The following CAV1 variants were observed in gnomAD, a reference collection of about 807,000 sequenced individuals.
CAV1 encodes the protein caveolin-1.
CAV1 carries 10 observed loss-of-function variants against 16.5 expected under a neutral mutation model. That is an observed-to-expected ratio of 0.61 (90% confidence interval 0.37 to 1.03). The LOEUF (loss-of-function observed/expected upper bound fraction) is 1.03, where lower values mean the gene tolerates loss of function less well. CAV1 is among the 50% of genes least tolerant of loss of function. CAV1 has a pLI of 0.01. For synonymous variants in CAV1, 76 were observed against 85.1 expected, an observed-to-expected ratio of 0.89 and a Z score of 0.59; for missense variants, 212 against 232.8, an observed-to-expected ratio of 0.91 and a Z score of 0.58.
chr7:116,525,922 G>A, intron 1 of CAV1: 2 of 824,348 alleles, frequency 2.4e-6, no homozygotes, highest in Non-Finnish European at 2.9e-6. Context: ...GGAGGGACAA[G>A]AGAGGGCCGA....
chr7:116,545,837 A>T (rs1294161322), intron 2 of CAV1, among the ~76,000 whole-genome samples: 1 of 152,254 alleles, frequency 6.6e-6, no homozygotes, highest in Non-Finnish European at 1.5e-5. Flanking sequence ...TTGTCCCATG[A>T]CATGCCCAGA....
At chr7:116,525,234 A>C (rs774318247) in intron 1 of CAV1, 142 bp downstream of exon 1, 24 of 1,611,104 alleles carry the variant, frequency 1.5e-5, no homozygotes, top group Admixed American at 1.7e-5. Flanking sequence ...GGCACCGCTG[A>C]GGAATGGGCC....
intron 2 of CAV1, chr7:116,526,926 A>T (rs1427067500): frequency 8.7e-6 from 5 of 575,174 alleles, no homozygotes; most frequent in South Asian, 2.0e-5. Flanking sequence ...AAATTCAGCT[A>T]AAGTGAGTTT....
chr7:116,525,967 A>G (rs1241677783), intron 1 of CAV1: 18 of 372,516 alleles, frequency 4.8e-5, no homozygotes, highest in Non-Finnish European at 5.6e-5. Flanking sequence ...TGCGAGGGGG[A>G]TGCGGCCAAG....
rs374271013 is a variant in CAV1, at chr7:116,526,551, G to C, written c.57G>C (p.Arg19=). The C allele has an allele frequency of 6.8e-6, 11 of 1,613,996 alleles. No homozygotes were observed. Among genetic ancestry groups the C allele is most frequent in the African/African-American group, 2.7e-5 (2 of 74,898 alleles). The change falls in exon 2 of 3, where the codon CGG becomes CGC. Residue 19 remains arginine (R), a synonymous_variant. Coordinates refer to ENST00000341049, the MANE Select transcript of CAV1 (RefSeq NM_001753.5). ...GACATCTCTACACCGTTCCCATCCG[G>C]GAACAGGGCAACATCTACAAGCCCA... is the stretch of plus-strand genomic sequence containing the variant. ...SEGHLYTVPI[R]EQGNIYKPNN...
intron 2 of CAV1, among the ~76,000 whole-genome samples, chr7:116,535,418 ATCTT>A (rs1793790045): frequency 6.6e-6 from 1 of 152,318 alleles, no homozygotes; most frequent in African/African-American, 2.4e-5. Flanking sequence ...CATCCCTCAG[ATCTT>A]TCTTTCTCTG....
chr7:116,555,552 GAA>G lies in CAV1; in HGVS notation c.196-3392_196-3391del, dbSNP rs541028548. Among the ~76,000 whole-genome samples the G allele has an allele frequency of 3.9e-3, 144 of 36,658 alleles. 3 individuals carry two copies. The highest frequency in any genetic ancestry group is 9.6e-3 in the South Asian group (6 of 624). 24.0% of individuals were successfully genotyped at this position (36,658 alleles called of 152,430 possible). ...AGAGAGAGAGAGAGAGAGAAAGAAA[GAA>G]AGAAAGAAAGAAAGAAAGAAAGAAA... On this transcript the variant is annotated intron_variant, in intron 2 of 2. Transcript: ENST00000341049.
At chr7:116,546,930 CT>C (rs979326982) in intron 2 of CAV1, among the ~76,000 whole-genome samples, 1 of 152,116 alleles carries the variant, frequency 6.6e-6, no homozygotes, top group African/African-American at 2.4e-5. Flanking sequence ...CAAGGCTATG[CT>C]TTTTCTGAAG....
chr7:116,539,808 C>T (rs1793900543), intron 2 of CAV1, among the ~76,000 whole-genome samples: 1 of 152,116 alleles, frequency 6.6e-6, no homozygotes, highest in African/African-American at 2.4e-5. Flanking sequence ...CAGGCAAATT[C>T]CCAGAATGCC....
chr7:116,535,285 A>G (rs1020037975), intron 2 of CAV1, among the ~76,000 whole-genome samples: 8 of 152,324 alleles, frequency 5.3e-5, no homozygotes, highest in Middle Eastern at 3.4e-3. Context: ...CAAAATTTCT[A>G]CATTCCAGGC....
chr7:116,534,387 A>ATT (rs1196588254), intron 2 of CAV1, among the ~76,000 whole-genome samples: 10 of 9,232 alleles, frequency 1.1e-3, no homozygotes, highest in African/African-American at 2.0e-3. Flanking sequence ...ATATATATAT[A>ATT]TATATATATT....
chr7:116,539,419 ACT>A (rs1331856170), intron 2 of CAV1, among the ~76,000 whole-genome samples: 1 of 151,966 alleles, frequency 6.6e-6, no homozygotes, highest in Admixed American at 6.6e-5. Context: ...TTCAGTTGAC[ACT>A]CTGAAATTCT....
At chr7:116,557,508 A>G (rs1794314289) in intron 2 of CAV1, among the ~76,000 whole-genome samples, 1 of 152,128 alleles carries the variant, frequency 6.6e-6, no homozygotes, top group Non-Finnish European at 1.5e-5. Flanking sequence ...TCTGTTGGTA[A>G]TTCTGTTTTT....
At chr7:116,525,220 C>T in intron 1 of CAV1, 128 bp downstream of exon 1, 2 of 1,612,424 alleles carry the variant, frequency 1.2e-6, no homozygotes, top group Non-Finnish European at 1.7e-6. Flanking sequence ...ACTCCTCTGG[C>T]GTTGGCACCG....
intron 2 of CAV1, among the ~76,000 whole-genome samples, chr7:116,558,049 T>A (rs1302056210): frequency 6.6e-6 from 1 of 152,102 alleles, no homozygotes; most frequent in East Asian, 1.9e-4. Flanking sequence ...GTTCTTCCTC[T>A]CCAAATCAGC....
chr7:116,556,152 A>C lies in CAV1; in HGVS notation c.196-2794A>C, dbSNP rs191862411. Among the ~76,000 whole-genome samples, 6 of 152,356 alleles carry C rather than the reference A, an allele frequency of 3.9e-5. No individual in the cohort carries two copies. The East Asian group carries it at 1.2e-3, about 29-fold the overall frequency. On this transcript the variant is annotated intron_variant, in intron 2 of 2. Coordinates refer to ENST00000341049, the MANE Select transcript of CAV1 (RefSeq NM_001753.5). The stretch of plus-strand genomic sequence containing the variant: ...CCAGAAATTTAGTAAGCAACTTAAA[A>C]GAAAGTGTAAGAATCTCCTATGTAT...
chr7:116,550,672 T>A (rs1424088170), intron 2 of CAV1, among the ~76,000 whole-genome samples: 1 of 152,214 alleles, frequency 6.6e-6, no homozygotes. Context: ...GTTAAAAATA[T>A]GTGTGGGAAC....
intron 2 of CAV1, among the ~76,000 whole-genome samples, chr7:116,558,095 T>G (rs780883441): frequency 1.1e-4 from 16 of 152,158 alleles, no homozygotes; most frequent in Admixed American, 3.9e-4. Flanking sequence ...TCCCACCTCA[T>G]GAAGCCTTCT....
intron 2 of CAV1, among the ~76,000 whole-genome samples, chr7:116,555,483 GAAAAGAAA>G (rs1794246544): frequency 4.5e-4 from 7 of 15,392 alleles, no homozygotes; most frequent in Admixed American, 1.1e-3. Context: ...AAGGAGGAAA[GAAAAGAAA>G]GAAAGAAAGA....
Sources: gnomAD v4.1 joint callset for allele counts (sites outside exome capture counted in the v4.1 genomes callset) on GRCh38, gnomAD v4.1.1 for gene constraint, MANE v1.5 for transcripts, NCBI Gene and HGNC (gene_info 2026-07-23, HGNC 2026-07-21) for gene names.